Variants in CALN1 observed in about 807,000 individuals in gnomAD.
CALN1 encodes calcium-binding protein 8.
CALN1 carries 17 observed loss-of-function variants against 30.6 expected under a neutral mutation model. The ratio of observed to expected loss-of-function variants is 0.56; its 90% CI spans 0.38 to 0.83. The LOEUF (loss-of-function observed/expected upper bound fraction) is 0.83. Ranked by LOEUF, CALN1 falls within the 40% of genes least tolerant of loss-of-function variation. The pLI is 0.00. For missense variants in CALN1, 291 were observed against 354.9 expected (o/e 0.82, Z 1.45); for synonymous variants, 156 against 131.4 (o/e 1.19, Z -1.28).
At chr7:71,823,296 T>C (rs1422610214) in intron 5 of CALN1, among the ~76,000 whole-genome samples, 1 of 152,080 alleles carries the variant, frequency 6.6e-6, no homozygotes, top group African/African-American at 2.4e-5. Context: ...GATCCTCCTG[T>C]GTAGCTGGGA....
chr7:72,031,799 T>A (rs1801460305), intron 4 of CALN1, among the ~76,000 whole-genome samples: 1 of 145,240 alleles, frequency 6.9e-6, no homozygotes, highest in African/African-American at 2.6e-5. Flanking sequence ...TGAAGTGCAA[T>A]GGCATGATCT....
intron 5 of CALN1, 86 bp from the exon 6 acceptor site, chr7:71,810,578 G>T: frequency 7.3e-7 from 1 of 1,374,308 alleles, no homozygotes; most frequent in Non-Finnish European, 1.0e-6. Context: ...ACCCACAGCT[G>T]CTCTGCAGAA....
chr7:72,465,725 A>G, the CALN1 span, among the ~76,000 whole-genome samples: 1 of 152,266 alleles, frequency 6.6e-6, no homozygotes, highest in African/African-American at 2.4e-5. Flanking sequence ...GTCTGCGGGT[A>G]GGAGATTAAC....
chr7:72,090,452 C>G (rs991089417), intron 4 of CALN1, among the ~76,000 whole-genome samples: 7 of 150,184 alleles, frequency 4.7e-5, no homozygotes, highest in Non-Finnish European at 1.0e-4. Flanking sequence ...TCAAAACCGT[C>G]TATTAAAATT....
intron 5 of CALN1, among the ~76,000 whole-genome samples, chr7:72,001,760 C>A (rs138502111): frequency 9.9e-5 from 15 of 152,232 alleles, no homozygotes; most frequent in African/African-American, 3.6e-4. Flanking sequence ...TCTGAGAAGG[C>A]AAGAATTGTG....
intron 3 of CALN1, among the ~76,000 whole-genome samples, chr7:72,186,970 G>GAT (rs1323007252): frequency 1.4e-5 from 2 of 141,136 alleles, no homozygotes; most frequent in African/African-American, 5.3e-5. Context: ...TCTGTAAGAT[G>GAT]ATATTATGAG....
rs73371713 is a variant in CALN1, at chr7:72,098,338, C to T, written c.388+7813G>A. Among the ~76,000 whole-genome samples, 1,255 of 152,258 alleles carry T rather than the reference C, an allele frequency of 8.2e-3. 14 individuals are homozygous for T. The highest frequency in any genetic ancestry group is 0.026 in the African/African-American group (1,088 of 41,550). On this transcript the variant is annotated intron_variant, in intron 4 of 6. Transcript: ENST00000395275. ...ACTGAGTTAAAGTTCCAAGAAATAA[C>T]TTTTGCAGTGATGAGCCAAGGAGGA...
chr7:72,010,586 C>T (rs780106020), intron 5 of CALN1, among the ~76,000 whole-genome samples: 18 of 151,934 alleles, frequency 1.2e-4, no homozygotes, highest in Admixed American at 2.0e-4. Flanking sequence ...CCGAGGTGGG[C>T]GAATCACCTG....
intron 3 of CALN1, among the ~76,000 whole-genome samples, chr7:72,228,527 T>G (rs948921156): frequency 2.0e-5 from 3 of 151,818 alleles, no homozygotes; most frequent in Admixed American, 6.6e-5. Flanking sequence ...CTCAATAAAG[T>G]TATTTTTAAA....
intron 3 of CALN1, among the ~76,000 whole-genome samples, chr7:72,145,349 A>G (rs375508359): frequency 5.3e-5 from 8 of 152,292 alleles, no homozygotes; most frequent in South Asian, 4.1e-4. Context: ...ACACCTCTAC[A>G]CAAATAAACT....
At chr7:72,252,142 GCTC>G (rs2129552142) in intron 3 of CALN1, among the ~76,000 whole-genome samples, 1 of 152,126 alleles carries the variant, frequency 6.6e-6, no homozygotes, top group African/African-American at 2.4e-5. Context: ...TCAATACTGA[GCTC>G]CTGGACTTTC....
intron 3 of CALN1, among the ~76,000 whole-genome samples, chr7:72,248,858 G>C (rs1033908062): frequency 5.3e-5 from 8 of 151,738 alleles, no homozygotes; most frequent in African/African-American, 1.9e-4. Flanking sequence ...ATCCCATTTT[G>C]AGAATCAGGA....
intron 5 of CALN1, among the ~76,000 whole-genome samples, chr7:71,973,374 C>T (rs1453436844): frequency 6.6e-6 from 1 of 152,106 alleles, no homozygotes; most frequent in Admixed American, 6.6e-5. Context: ...CGGGGTTTTG[C>T]CATGTTGGCC....
intron 5 of CALN1, among the ~76,000 whole-genome samples, chr7:71,867,270 A>C (rs1791642375): frequency 2.0e-5 from 3 of 152,148 alleles, no homozygotes. Flanking sequence ...AGGAAATATG[A>C]GGGAAAAAAG....
At chr7:72,320,950 G>A (rs1297409479) in intron 2 of CALN1, among the ~76,000 whole-genome samples, 2 of 151,808 alleles carry the variant, frequency 1.3e-5, no homozygotes, top group African/African-American at 4.8e-5. Flanking sequence ...GTGACTTTCA[G>A]CCAGGTATTT....
chr7:72,495,625 T>C, the CALN1 span, among the ~76,000 whole-genome samples: 1 of 152,172 alleles, frequency 6.6e-6, no homozygotes. Context: ...TCAAGGCTCT[T>C]CTGGTAGCAA....
intron 3 of CALN1, among the ~76,000 whole-genome samples, chr7:72,121,569 C>G (rs1182987809): frequency 1.3e-5 from 2 of 148,490 alleles, no homozygotes; most frequent in African/African-American, 4.9e-5. Flanking sequence ...GTCACTGTCT[C>G]TTTAGAGGAA....
intron 5 of CALN1, among the ~76,000 whole-genome samples, chr7:71,871,934 T>C (rs1791957223): frequency 1.3e-5 from 2 of 152,322 alleles, no homozygotes; most frequent in South Asian, 2.1e-4. Flanking sequence ...TCCACAGAAC[T>C]TTCTGCCATG....
intron 3 of CALN1, among the ~76,000 whole-genome samples, chr7:72,137,949 G>C (rs1427012235): frequency 6.6e-6 from 1 of 152,180 alleles, no homozygotes; most frequent in Non-Finnish European, 1.5e-5. Flanking sequence ...AAATCTGGGT[G>C]AAAGACATAT....
Sources: gnomAD v4.1 joint callset for allele counts (sites outside exome capture counted in the v4.1 genomes callset) on GRCh38, gnomAD v4.1.1 for gene constraint, MANE v1.5 for transcripts, NCBI Gene and HGNC (gene_info 2026-07-23, HGNC 2026-07-21) for gene names.